ERBB4: variants seen among roughly 807,000 people sequenced by gnomAD.
ERBB4 encodes the protein receptor tyrosine-protein kinase erbB-4.
Under a neutral mutation model 158.0 loss-of-function variants are expected in ERBB4, and 42 were observed. That is an observed-to-expected ratio of 0.27 (90% CI 0.21 to 0.34). ERBB4 has a LOEUF of 0.34. Among genes scored for constraint, ERBB4 ranks in the 10% least tolerant of loss-of-function variants. ERBB4 has a pLI of 1.00. For synonymous variants in ERBB4, 583 were observed against 558.7 expected (o/e 1.04, Z -0.61); for missense variants, 1,333 against 1,624.1 (o/e 0.82, Z 3.08).
At chr2:212,284,332 A>T (rs1305731307) in intron 1 of ERBB4, among the ~76,000 whole-genome samples, 1 of 152,006 alleles carries the variant, frequency 6.6e-6, no homozygotes, top group East Asian at 1.9e-4. Flanking sequence ...AACTCTGTCT[A>T]ATTAGCTCTT....
At chr2:212,090,934 C>A (rs943960456) in intron 2 of ERBB4, among the ~76,000 whole-genome samples, 8 of 152,130 alleles carry the variant, frequency 5.3e-5, no homozygotes, top group Non-Finnish European at 1.2e-4. Context: ...TTCTAACAAT[C>A]TCCACCCTTT....
At chr2:211,793,418 G>A (rs566084867) in intron 3 of ERBB4, among the ~76,000 whole-genome samples, 54 of 151,908 alleles carry the variant, frequency 3.6e-4, no homozygotes, top group African/African-American at 1.2e-3. Flanking sequence ...TAGAAATATT[G>A]CACTTATCTA....
intron 20 of ERBB4, among the ~76,000 whole-genome samples, chr2:211,483,742 G>T (rs1357163287): frequency 6.6e-6 from 1 of 151,974 alleles, no homozygotes; most frequent in Non-Finnish European, 1.5e-5. Context: ...AGTAGAGACT[G>T]GTTCTCACTA....
chr2:212,211,179 C>A (rs1051137197), intron 1 of ERBB4, among the ~76,000 whole-genome samples: 4 of 152,158 alleles, frequency 2.6e-5, no homozygotes, highest in Admixed American at 2.6e-4. Context: ...AGGCTACCAT[C>A]ATCTAATGCT....
intron 2 of ERBB4, among the ~76,000 whole-genome samples, chr2:212,086,652 A>G (rs907306761): frequency 6.6e-6 from 1 of 152,008 alleles, no homozygotes; most frequent in African/African-American, 2.4e-5. Flanking sequence ...TAATTTGGGT[A>G]TATTATCAGG....
chr2:211,853,302 CTA>C (rs1407808610), intron 3 of ERBB4, among the ~76,000 whole-genome samples: 1 of 151,926 alleles, frequency 6.6e-6, no homozygotes, highest in African/African-American at 2.4e-5. Flanking sequence ...AGTGAGCAGT[CTA>C]TGTTGCCTTT....
intron 1 of ERBB4, among the ~76,000 whole-genome samples, chr2:212,257,910 G>A (rs894223885): frequency 3.9e-5 from 6 of 151,972 alleles, no homozygotes; most frequent in African/African-American, 1.2e-4. Context: ...CAATAAAAAC[G>A]GTCCCCAATC....
In ERBB4 at chr2:211,948,413, C is replaced by T. The variant is rs780440276; in HGVS notation, c.235-797G>A. On this transcript the variant is annotated intron_variant, in intron 2 of 27. Coordinates refer to ENST00000342788, the MANE Select transcript of ERBB4 (RefSeq NM_005235.3). ...ATTGCACCACTGTACTCTAGCCTGG[C>T]GACAGAGTGAGACTCTGTCTCACAA... Among the ~76,000 whole-genome samples, 83 of 110,986 alleles carry T rather than the reference C, an allele frequency of 7.5e-4. 1 individual carries two copies. Among genetic ancestry groups the T allele is most frequent in the African/African-American group, 2.0e-3 (57 of 29,044 alleles). The allele number at this position is 110,986 out of a possible 152,430, so 72.8% of individuals were successfully genotyped here.
At chr2:212,000,771 AT>A (rs2076085362) in intron 2 of ERBB4, among the ~76,000 whole-genome samples, 1 of 151,878 alleles carries the variant, frequency 6.6e-6, no homozygotes, top group Admixed American at 6.6e-5. Flanking sequence ...TCATGTATAT[AT>A]TTTAATTGGA....
intron 2 of ERBB4, among the ~76,000 whole-genome samples, chr2:211,951,397 C>T (rs1399560199): frequency 1.3e-5 from 2 of 151,990 alleles, no homozygotes; most frequent in African/African-American, 4.8e-5. Context: ...AATAAGTGCT[C>T]TAGAATGTGT....
In ERBB4 at chr2:212,320,314, C is replaced by G. The variant is rs148180464; in HGVS notation, c.83-195411G>C. ...GGGGAATGAAATGCAGTTTCAAGTA[C>G]AGTCTTTTTTTTTTACTTCTTCTTC... is the stretch of plus-strand genomic sequence containing the variant. On this transcript the variant is annotated intron_variant, in intron 1 of 27. Coordinates refer to ENST00000342788, the MANE Select transcript of ERBB4 (RefSeq NM_005235.3). Among the ~76,000 whole-genome samples, 783 of 146,928 alleles carry G rather than the reference C, an allele frequency of 5.3e-3. 9 individuals are homozygous for G. The highest frequency in any genetic ancestry group is 0.018 in the African/African-American group (696 of 39,424).
intron 1 of ERBB4, among the ~76,000 whole-genome samples, chr2:212,208,790 C>T (rs1009171702): frequency 6.6e-6 from 1 of 152,190 alleles, no homozygotes; most frequent in Non-Finnish European, 1.5e-5. Context: ...GACACCAGAT[C>T]ATCCAAGGCA....
At chr2:211,751,420 A>G (rs75832594) in intron 4 of ERBB4, among the ~76,000 whole-genome samples, 2,987 of 152,204 alleles carry the variant, frequency 0.02, 94 homozygotes, top group African/African-American at 0.068. Flanking sequence ...TATAAAAACG[A>G]CTTCCTTTGA....
chr2:212,133,461 G>A (rs367809223), intron 1 of ERBB4, among the ~76,000 whole-genome samples: 1 of 142,990 alleles, frequency 7.0e-6, no homozygotes, highest in Non-Finnish European at 1.5e-5. Flanking sequence ...TTATACATCT[G>A]CAAGTTTACC....
chr2:212,151,503 A>G (rs1314479746), intron 1 of ERBB4, among the ~76,000 whole-genome samples: 1 of 151,632 alleles, frequency 6.6e-6, no homozygotes, highest in Non-Finnish European at 1.5e-5. Context: ...CCAAGATTTG[A>G]GTGGGAATTT....
chr2:212,072,075 C>A (rs2078137448), intron 2 of ERBB4, among the ~76,000 whole-genome samples: 2 of 151,892 alleles, frequency 1.3e-5, no homozygotes, highest in Admixed American at 6.6e-5. Context: ...TTTAATTATT[C>A]CTGCTCCAAA....
chr2:212,478,276 AC>A (rs1689508554), intron 1 of ERBB4, among the ~76,000 whole-genome samples: 1 of 152,100 alleles, frequency 6.6e-6, no homozygotes, highest in Non-Finnish European at 1.5e-5. Flanking sequence ...GTTTTCTGGT[AC>A]CAGTCTGTCC....
At chr2:211,555,346 CGG>C (rs1400929091) in intron 20 of ERBB4, among the ~76,000 whole-genome samples, 1 of 152,062 alleles carries the variant, frequency 6.6e-6, no homozygotes, top group Admixed American at 6.5e-5. Flanking sequence ...CCCCTATGCC[CGG>C]CTAATTTTGT....
intron 1 of ERBB4, among the ~76,000 whole-genome samples, chr2:212,160,880 C>A (rs1391982635): frequency 6.6e-6 from 1 of 151,860 alleles, no homozygotes; most frequent in South Asian, 2.1e-4. Flanking sequence ...GAAGGGGAAG[C>A]GCTTGATCTC....
Sources: gnomAD v4.1 joint callset for allele counts (sites outside exome capture counted in the v4.1 genomes callset) on GRCh38, gnomAD v4.1.1 for gene constraint, MANE v1.5 for transcripts, NCBI Gene and HGNC (gene_info 2026-07-23, HGNC 2026-07-21) for gene names.